Variants in FAM13A observed in about 807,000 individuals in gnomAD.
FAM13A encodes protein FAM13A.
A neutral mutation model predicts 129.6 loss-of-function variants in FAM13A; 76 were observed. The ratio of observed to expected loss-of-function variants is 0.59; its 90% CI spans 0.49 to 0.71. The LOEUF (loss-of-function observed/expected upper bound fraction) is 0.71. Among genes scored for constraint, FAM13A ranks in the 30% least tolerant of loss-of-function variants. FAM13A has a pLI of 0.00. For synonymous variants in FAM13A, 443 were observed against 449.9 expected, an observed-to-expected ratio of 0.98 and a Z score of 0.20; for missense variants, 1,108 against 1,249.3, an observed-to-expected ratio of 0.89 and a Z score of 1.70.
chr4:88,989,022 A>AC (rs1371159515), intron 4 of FAM13A, among the ~76,000 whole-genome samples: 1 of 151,984 alleles, frequency 6.6e-6, no homozygotes, highest in Non-Finnish European at 1.5e-5. Context: ...AGCCTGGCCA[A>AC]CATGGTGAAA....
At chr4:88,830,473 A>T (rs777327289) in intron 7 of FAM13A, among the ~76,000 whole-genome samples, 1 of 152,192 alleles carries the variant, frequency 6.6e-6, no homozygotes, top group Non-Finnish European at 1.5e-5. Flanking sequence ...TGAAGGCCAA[A>T]ATAAAAACAA....
chr4:89,057,118 A>G lies in FAM13A; in HGVS notation c.-154T>C, dbSNP rs1426284055. On this transcript the variant is annotated 5_prime_UTR_variant, in exon 1 of 24. The change abolishes an upstream ATG in the 5' untranslated region. Transcript: ENST00000264344. Reference sequence around the variant, plus strand: ...AGGTAAGCGAAGAGCAGCTTCTAACATTTTAGGAAGAGTGGTTTTGCTTCT... The same window carrying G: ...AGGTAAGCGAAGAGCAGCTTCTAACGTTTTAGGAAGAGTGGTTTTGCTTCT... The G allele has an allele frequency of 6.9e-7, 1 of 1,452,488 alleles. No homozygotes were observed. The highest frequency in any genetic ancestry group is 9.1e-7 in the Non-Finnish European group (1 of 1,104,570). 90.0% of individuals were successfully genotyped at this position (1,452,488 alleles called of 1,614,324 possible).
intron 5 of FAM13A, among the ~76,000 whole-genome samples, chr4:88,920,891 C>G (rs576482181): frequency 2.0e-5 from 3 of 152,214 alleles, no homozygotes; most frequent in Admixed American, 2.0e-4. Context: ...AGCTCGAGAA[C>G]TACGTGAAGA....
chr4:89,047,363 T>C (rs1196404297), intron 1 of FAM13A, among the ~76,000 whole-genome samples: 1 of 152,084 alleles, frequency 6.6e-6, no homozygotes, highest in Non-Finnish European at 1.5e-5. Flanking sequence ...CGTGTTACTA[T>C]CACAACAAGA....
chr4:88,734,302 G>A (rs1738510674), intron 21 of FAM13A, among the ~76,000 whole-genome samples: 1 of 152,186 alleles, frequency 6.6e-6, no homozygotes, highest in Non-Finnish European at 1.5e-5. Flanking sequence ...AACCTGAAGG[G>A]CAGTCTACAG....
chr4:88,983,851 T>A (rs890278581), intron 4 of FAM13A, among the ~76,000 whole-genome samples: 2 of 152,122 alleles, frequency 1.3e-5, no homozygotes, highest in Non-Finnish European at 2.9e-5. Context: ...TCAAAATAAT[T>A]CTGAAAAGAA....
chr4:88,807,292 C>T (rs1448644101), intron 7 of FAM13A, among the ~76,000 whole-genome samples: 1 of 152,146 alleles, frequency 6.6e-6, no homozygotes, highest in Non-Finnish European at 1.5e-5. Context: ...TTCTCTGCAG[C>T]AAACAGAAGC....
At position 88,975,773 on chromosome 4, in the gene FAM13A, A is replaced by G. The variant is rs56048174; in HGVS notation, c.605+15200T>C. Among the ~76,000 whole-genome samples the G allele has an allele frequency of 1.9e-3, 297 of 152,348 alleles. 1 individual carries two copies. Among genetic ancestry groups the G allele is most frequent in the African/African-American group, 6.8e-3 (283 of 41,586 alleles). On this transcript the variant is annotated intron_variant, in intron 4 of 23. Transcript: ENST00000264344. Reference sequence around the variant, plus strand: ...GTGCACACATGGGCCACATCAAGGCAAATGATACAATGAAGGTCATTAATT... The same window carrying G: ...GTGCACACATGGGCCACATCAAGGCGAATGATACAATGAAGGTCATTAATT...
intron 3 of FAM13A, among the ~76,000 whole-genome samples, chr4:89,018,525 G>T (rs1367126785): frequency 6.6e-6 from 1 of 152,184 alleles, no homozygotes; most frequent in East Asian, 1.9e-4. Flanking sequence ...TAAAAATAAA[G>T]GTTGTGATGG....
intron 7 of FAM13A, among the ~76,000 whole-genome samples, chr4:88,818,631 T>A (rs1399401123): frequency 5.3e-5 from 8 of 152,096 alleles, no homozygotes; most frequent in African/African-American, 1.4e-4. Context: ...CCCACAGAGA[T>A]CTTATTTGTT....
chr4:88,778,185 G>C (rs1722138885), intron 11 of FAM13A, among the ~76,000 whole-genome samples: 2 of 152,142 alleles, frequency 1.3e-5, no homozygotes, highest in Admixed American at 1.3e-4. Context: ...AGGCCCAGAA[G>C]CCCAGTTGCC....
At position 88,751,017 on chromosome 4, in the gene FAM13A, G is replaced by A. The variant is rs1165613005; in HGVS notation, c.1727-380C>T. On this transcript the variant is annotated intron_variant, in intron 14 of 23. Transcript: ENST00000264344. ...AGCACTTTGGGAAGCCAAGGCGGAC[G>A]GATCACCTGAGGTCAGGAGTTTGAG... Among the ~76,000 whole-genome samples, 4 of 152,328 alleles carry A rather than the reference G, an allele frequency of 2.6e-5. No homozygotes were observed. The South Asian group carries it at 8.3e-4, about 32-fold the overall frequency.
At chr4:88,963,727 C>T (rs116487557) in intron 4 of FAM13A, among the ~76,000 whole-genome samples, 2,280 of 152,248 alleles carry the variant, frequency 0.015, 31 homozygotes, top group Middle Eastern at 0.027. Context: ...TTAATAGCTC[C>T]TTGTTTATAT....
chr4:89,046,136 T>C (rs762703341), intron 1 of FAM13A, among the ~76,000 whole-genome samples: 2 of 151,876 alleles, frequency 1.3e-5, no homozygotes, highest in Non-Finnish European at 2.9e-5. Flanking sequence ...GCTAAGAGAA[T>C]ACTGCACACC....
At chr4:88,948,347 CA>C in intron 4 of FAM13A, among the ~76,000 whole-genome samples, 2 of 152,178 alleles carry the variant, frequency 1.3e-5, no homozygotes, top group Middle Eastern at 6.8e-3. Context: ...TTATGAAGAT[CA>C]AATTCTTAAA....
chr4:88,954,059 T>C (rs927873282), intron 4 of FAM13A, among the ~76,000 whole-genome samples: 22 of 152,192 alleles, frequency 1.4e-4, no homozygotes, highest in African/African-American at 5.3e-4. Context: ...TGTTTACTTC[T>C]GAAAAAAAAT....
chr4:88,874,664 T>C (rs545726378), intron 6 of FAM13A, among the ~76,000 whole-genome samples: 6 of 152,260 alleles, frequency 3.9e-5, no homozygotes, highest in South Asian at 4.1e-4. Flanking sequence ...TGGAAGAACA[T>C]TCCATGCTCA....
chr4:88,981,354 G>C (rs1053501246), intron 4 of FAM13A, among the ~76,000 whole-genome samples: 3 of 152,104 alleles, frequency 2.0e-5, no homozygotes, highest in Admixed American at 2.0e-4. Context: ...CCGAGGCTTT[G>C]GTCCGTGCAT....
chr4:88,905,403 T>A (rs1747984990), intron 6 of FAM13A, among the ~76,000 whole-genome samples: 1 of 152,146 alleles, frequency 6.6e-6, no homozygotes, highest in Admixed American at 6.5e-5. Flanking sequence ...TTTTTATATA[T>A]TTCTTTTCAA....
Sources: gnomAD v4.1 joint callset for allele counts (sites outside exome capture counted in the v4.1 genomes callset) on GRCh38, gnomAD v4.1.1 for gene constraint, MANE v1.5 for transcripts, NCBI Gene and HGNC (gene_info 2026-07-23, HGNC 2026-07-21) for gene names.